Variants in IARS2 observed in about 807,000 individuals in gnomAD.
IARS2 encodes isoleucine--tRNA ligase, mitochondrial.
In IARS2, 56 loss-of-function variants were observed where a neutral mutation model predicts 126.3. That is an observed-to-expected ratio of 0.44 (90% CI 0.36 to 0.55). The LOEUF is 0.55. Ranked by LOEUF, IARS2 falls within the 20% of genes least tolerant of loss-of-function variation. IARS2 has a pLI of 0.00. For synonymous variants in IARS2, 407 were observed against 441.1 expected, an observed-to-expected ratio of 0.92 and a Z score of 0.97; for missense variants, 1,127 against 1,245.9, an observed-to-expected ratio of 0.90 and a Z score of 1.44.
rs534927390 is a variant in IARS2, at chr1:220,138,876, G to C, written c.2176-132G>C. On this transcript the variant is annotated intron_variant, in intron 17 of 22. Coordinates refer to ENST00000366922, the MANE Select transcript of IARS2 (RefSeq NM_018060.4). The stretch of plus-strand genomic sequence containing the variant: ...TGTTTTTTATTTTTTTACATTTGTA[G>C]TCTTATTTGGAATGATAATAAAAAT... 6 of 796,788 alleles carry C rather than the reference G, an allele frequency of 7.5e-6. No homozygotes were observed. The South Asian group carries it at 1.2e-4, about 16-fold the overall frequency. 49.4% of individuals were successfully genotyped at this position (796,788 alleles called of 1,614,324 possible). A position where few individuals can be genotyped will look rare whatever the true frequency, so the allele number is the denominator to read the frequency against.
intron 21 of IARS2, chr1:220,144,081 T>C (rs879033644): frequency 8.7e-7 from 1 of 1,145,272 alleles, no homozygotes; most frequent in Non-Finnish European, 1.3e-6. Context: ...GCAGATTATT[T>C]TGCCATTTTT....
intron 12 of IARS2, among the ~76,000 whole-genome samples, chr1:220,115,080 C>T (rs1029097791): frequency 4.6e-5 from 7 of 152,008 alleles, no homozygotes; most frequent in African/African-American, 1.7e-4. Context: ...TTGTTTACAG[C>T]TGTTTCTGAA....
intron 12 of IARS2, among the ~76,000 whole-genome samples, chr1:220,120,371 C>T (rs188186145): frequency 2.1e-4 from 31 of 149,430 alleles, no homozygotes; most frequent in East Asian, 3.9e-4. Context: ...CGTGAACCAC[C>T]GCGCCCGGCC....
chr1:220,107,150 G>A lies in IARS2; in HGVS notation c.1326G>A (p.Val442=), dbSNP rs755214217. Residue 442 remains valine (V), a splice_region_variant and synonymous_variant, in exon 10 of 23, where the codon GTG becomes GTA. Transcript: ENST00000366922. ...NKAVLEEGTD[V]VIKMLQTAKN... ...CTGTCCTTGAAGAGGGAACTGATGTGGGTGAGCATCATATCTGTTGATATC... is the reference window on the plus strand; with the variant it reads ...CTGTCCTTGAAGAGGGAACTGATGTAGGTGAGCATCATATCTGTTGATATC... 1.4e-5 allele frequency: 23 copies of A among 1,602,572 alleles called. No individual in the cohort carries two copies. Among genetic ancestry groups the A allele is most frequent in the Non-Finnish European group, 1.9e-5 (22 of 1,169,616 alleles).
chr1:220,121,554 A>G (rs752175594), intron 12 of IARS2, among the ~76,000 whole-genome samples: 1 of 152,206 alleles, frequency 6.6e-6, no homozygotes, highest in Non-Finnish European at 1.5e-5. Flanking sequence ...TAGTTAAATA[A>G]CATTTAAAAT....
Position 220,102,287 on chromosome 1 carries a change from T to C in IARS2, c.699+10T>C. 6 of 1,603,648 alleles carry C rather than the reference T, an allele frequency of 3.7e-6. No homozygotes were observed. In the East Asian group the frequency reaches 8.9e-5, roughly 24 times the overall value. The stretch of plus-strand genomic sequence containing the variant: ...CCAAATGTATGATAAGGTAAAGAAG[T>C]ATTTTTTCTCTTTGAGTAGGTTTTA... On this transcript the variant is annotated intron_variant, in intron 4 of 22. Coordinates refer to ENST00000366922, the MANE Select transcript of IARS2 (RefSeq NM_018060.4).
intron 15 of IARS2, 125 bp from the exon 16 acceptor site, chr1:220,136,684 C>T (rs953430265): frequency 5.0e-6 from 2 of 396,520 alleles, no homozygotes; most frequent in Non-Finnish European, 9.1e-6. Flanking sequence ...AGGTTTTATT[C>T]ATAATCAGTC....
intron 11 of IARS2, among the ~76,000 whole-genome samples, chr1:220,112,591 C>T (rs1271366106): frequency 1.5e-5 from 2 of 129,060 alleles, no homozygotes; most frequent in African/African-American, 6.0e-5. Context: ...CAGGGTCTTG[C>T]TCTGTCACCC....
At chr1:220,094,575 C>A (rs1384872626) in intron 1 of IARS2, 92 bp downstream of exon 1, 1 of 1,105,598 alleles carries the variant, frequency 9.0e-7, no homozygotes, top group Non-Finnish European at 1.3e-6. Flanking sequence ...CTAGGCTCCA[C>A]GCCGGTGCGG....
intron 16 of IARS2, chr1:220,137,604 A>T (rs1657401787): frequency 4.5e-6 from 1 of 223,238 alleles, no homozygotes; most frequent in East Asian, 9.3e-5. Flanking sequence ...CTCCCTTATT[A>T]TAGAGACCTC....
intron 8 of IARS2, among the ~76,000 whole-genome samples, chr1:220,103,983 A>AT (rs1157859749): frequency 6.6e-6 from 1 of 152,168 alleles, no homozygotes; most frequent in Non-Finnish European, 1.5e-5. Flanking sequence ...ATTTTATTTT[A>AT]TTTTTTAAAG....
At chr1:220,100,372 A>G in intron 2 of IARS2, 118 bp from the exon 3 acceptor site, 1 of 849,994 alleles carries the variant, frequency 1.2e-6, no homozygotes, top group Non-Finnish European at 1.8e-6. Context: ...AAAAGAACAT[A>G]AATTGTAGGC....
At chr1:220,103,762 G>A (rs1656628158) in intron 8 of IARS2, among the ~76,000 whole-genome samples, 200 bp downstream of exon 8, 2 of 152,170 alleles carry the variant, frequency 1.3e-5, no homozygotes, top group Admixed American at 6.6e-5. Flanking sequence ...ATTGATAAAT[G>A]TACAACAGGT....
At chr1:220,098,035 C>G (rs1191010140) in intron 2 of IARS2, among the ~76,000 whole-genome samples, 3 of 152,094 alleles carry the variant, frequency 2.0e-5, no homozygotes, top group Non-Finnish European at 4.4e-5. Flanking sequence ...CCACCATGCC[C>G]AGCTAATTTT....
chr1:220,142,582 C>A (rs1444186328), intron 20 of IARS2, among the ~76,000 whole-genome samples: 1 of 152,038 alleles, frequency 6.6e-6, no homozygotes, highest in East Asian at 1.9e-4. Context: ...TTGTTTTCTT[C>A]TGATTGTATT....
intron 15 of IARS2, 46 bp downstream of exon 15, chr1:220,134,556 G>A: frequency 1.7e-6 from 2 of 1,210,874 alleles, no homozygotes; most frequent in African/African-American, 1.5e-5. Context: ...CTGCCAGTGT[G>A]TGAAGCACTA....
At chr1:220,095,971 T>G in intron 1 of IARS2, 133 bp from the exon 2 acceptor site, 1 of 570,188 alleles carries the variant, frequency 1.8e-6, no homozygotes. Context: ...TATTTCAGAG[T>G]TGAGTAGATT....
intron 7 of IARS2, among the ~76,000 whole-genome samples, chr1:220,103,205 C>T (rs1656615676): frequency 6.6e-6 from 1 of 151,978 alleles, no homozygotes; most frequent in African/African-American, 2.4e-5. Flanking sequence ...TGCGCCACCA[C>T]GCCAGGCTAA....
chr1:220,138,964 C>A (rs1373852767), intron 17 of IARS2, 44 bp from the exon 18 acceptor site: 4 of 1,563,586 alleles, frequency 2.6e-6, no homozygotes, highest in Non-Finnish European at 3.5e-6. Context: ...ATTGAAGGCA[C>A]CATTAGATTT....
Sources: allele counts gnomAD v4.1 joint callset (sites outside exome capture counted in the v4.1 genomes callset), GRCh38; gene constraint gnomAD v4.1.1; transcripts MANE v1.5; gene names NCBI Gene and HGNC (gene_info 2026-07-23, HGNC 2026-07-21).